Variants in OCA2 observed in about 807,000 individuals in gnomAD.
The protein encoded by OCA2 is P protein.
Under a neutral mutation model 100.2 loss-of-function variants are expected in OCA2, and 77 were observed. That is an observed-to-expected ratio of 0.77 (90% CI 0.64 to 0.93). OCA2 has a LOEUF of 0.93. Ranked by LOEUF, OCA2 falls within the 40% of genes least tolerant of loss-of-function variation. The pLI, the probability that OCA2 is intolerant of heterozygous loss-of-function variation, is 0.00. For synonymous variants in OCA2, 432 were observed against 439.2 expected, an observed-to-expected ratio of 0.98 and a Z score of 0.21; for missense variants, 1,062 against 1,089.1, an observed-to-expected ratio of 0.98 and a Z score of 0.35.
intron 22 of OCA2, among the ~76,000 whole-genome samples, chr15:27,850,898 C>T (rs149073487): frequency 6.6e-6 from 1 of 152,256 alleles, no homozygotes; most frequent in South Asian, 2.1e-4. Context: ...GTCAGTCTCT[C>T]CCAACACTCT....
intron 2 of OCA2, among the ~76,000 whole-genome samples, chr15:28,078,347 C>T (rs574385794): frequency 2.5e-4 from 38 of 152,344 alleles, no homozygotes; most frequent in Non-Finnish European, 4.3e-4. Flanking sequence ...CAGGAATTGG[C>T]CTGCTGCTAC....
chr15:27,786,294 G>A (rs1412040881), intron 23 of OCA2, among the ~76,000 whole-genome samples: 6 of 152,068 alleles, frequency 3.9e-5, no homozygotes, highest in African/African-American at 7.2e-5. Flanking sequence ...TTTTAGAATC[G>A]TGTTGTTAAT....
At chr15:27,929,103 T>C (rs2039152384) in intron 18 of OCA2, among the ~76,000 whole-genome samples, 1 of 152,220 alleles carries the variant, frequency 6.6e-6, no homozygotes, top group Non-Finnish European at 1.5e-5. Context: ...AAGAATGTTT[T>C]GTATAAATCC....
At chr15:27,988,059 A>ACG (rs754000009) in intron 11 of OCA2, among the ~76,000 whole-genome samples, 1 of 152,154 alleles carries the variant, frequency 6.6e-6, no homozygotes, top group South Asian at 2.1e-4. Context: ...TCACGTGAAT[A>ACG]CGCATGAGGA....
At chr15:27,967,985 G>A (rs1001296765) in intron 14 of OCA2, among the ~76,000 whole-genome samples, 2 of 152,170 alleles carry the variant, frequency 1.3e-5, no homozygotes, top group Non-Finnish European at 2.9e-5. Context: ...CAGCGTCATT[G>A]GTTGGTTCTG....
At chr15:27,963,742 G>GA (rs1005881737) in intron 15 of OCA2, among the ~76,000 whole-genome samples, 4 of 150,812 alleles carry the variant, frequency 2.7e-5, no homozygotes, top group East Asian at 1.9e-4. Flanking sequence ...AAAGTAAGCA[G>GA]AAAAAAAATA....
chr15:27,964,662 CTT>C (rs1275996204), intron 15 of OCA2, among the ~76,000 whole-genome samples: 1 of 152,186 alleles, frequency 6.6e-6, no homozygotes, highest in Non-Finnish European at 1.5e-5. Context: ...TTCAGGGTTA[CTT>C]TTTCACTGCA....
chr15:27,736,698 G>T, the OCA2 span, among the ~76,000 whole-genome samples: 1 of 152,128 alleles, frequency 6.6e-6, no homozygotes, highest in Non-Finnish European at 1.5e-5. Flanking sequence ...ACAGAGTCAA[G>T]TTCCCACCTC....
intron 2 of OCA2, among the ~76,000 whole-genome samples, chr15:28,058,455 A>G (rs775204117): frequency 1.4e-4 from 21 of 152,284 alleles, no homozygotes; most frequent in Admixed American, 5.9e-4. Flanking sequence ...GGAATCATGC[A>G]GGAGGTACTG....
At chr15:27,915,518 A>G (rs1432777481) in intron 19 of OCA2, among the ~76,000 whole-genome samples, 1 of 152,178 alleles carries the variant, frequency 6.6e-6, no homozygotes, top group African/African-American at 2.4e-5. Flanking sequence ...TTACAAGCAA[A>G]AAACAACCCT....
At chr15:27,978,671 T>TAG (rs1023100555) in intron 14 of OCA2, among the ~76,000 whole-genome samples, 1 of 151,188 alleles carries the variant, frequency 6.6e-6, no homozygotes. Flanking sequence ...TGTATATATA[T>TAG]AGAGAGAGAG....
chr15:28,038,303 G>A (rs903769623), intron 2 of OCA2, among the ~76,000 whole-genome samples: 1 of 152,198 alleles, frequency 6.6e-6, no homozygotes, highest in African/African-American at 2.4e-5. Flanking sequence ...TAAGGAAGCT[G>A]CCAGCTCTCA....
rs754265614 is a variant in OCA2 at position 27,957,657 on chromosome 15, C to G, written c.1715G>C (p.Arg572Pro). 4 of 1,612,966 alleles carry G rather than the reference C, an allele frequency of 2.5e-6. No individual in the cohort carries two copies. In the African/African-American group the frequency reaches 5.3e-5, roughly 22 times the overall value. The part of the protein sequence containing the change: ...SPASREETAV[R>P]RLLLGKVLAL... The stretch of plus-strand genomic sequence containing the variant: ...CAGCACCTTCCCCAGCAGCAGGCGG[C>G]GCACAGCTGTCTCCTCGCGGCTGGC... The change falls in exon 16 of 24, where the codon CGC becomes CCC. Residue 572 changes from arginine to proline, a missense_variant. Transcript: ENST00000354638. The surrounding 1 kb of genome is among the most constrained non-coding windows in gnomAD (Gnocchi z 4.3).
chr15:27,812,659 C>T lies in OCA2; in HGVS notation c.2432+32300G>A, dbSNP rs992966678. ...TTCAGAATATAAAACACTTAAGTTGCTTTCCTTTTTTAAAGTTCCCAGTAA... is the reference window on the plus strand; with the variant it reads ...TTCAGAATATAAAACACTTAAGTTGTTTTCCTTTTTTAAAGTTCCCAGTAA... On this transcript the variant is annotated intron_variant, in intron 23 of 23. Transcript: ENST00000354638. 2.6e-5 allele frequency among the ~76,000 whole-genome samples: 4 copies of T among 152,152 alleles called. No individual in the cohort carries two copies. In the East Asian group the frequency reaches 7.7e-4, roughly 29 times the overall value.
chr15:27,995,946 G>A (rs371087980), intron 9 of OCA2, among the ~76,000 whole-genome samples: 31 of 151,814 alleles, frequency 2.0e-4, no homozygotes, highest in African/African-American at 7.5e-4. Flanking sequence ...CCAAGTAGCT[G>A]GGACTACAGG....
At chr15:27,833,137 C>T (rs539008796) in intron 23 of OCA2, among the ~76,000 whole-genome samples, 1 of 152,298 alleles carries the variant, frequency 6.6e-6, no homozygotes, top group Admixed American at 6.5e-5. Context: ...TTAGTTACCC[C>T]TAAATATACA....
rs559916018 is a variant in OCA2, at chr15:27,952,003, T to TAA, written c.1843-113_1843-112dup. The stretch of plus-strand genomic sequence containing the variant: ...ACAGATTTCACGAGGATGAAAAATG[T>TAA]AACCTCTCGAACTTGAAAGAAAATG... On this transcript the variant is annotated intron_variant, in intron 17 of 23. Transcript: ENST00000354638. 9.0e-4 allele frequency: 719 copies of TAA among 800,434 alleles called. 1 individual carries two copies. The highest frequency in any genetic ancestry group is 1.1e-3 in the Non-Finnish European group (519 of 460,200). The allele number at this position is 800,434 out of a possible 1,614,324, so 49.6% of individuals were successfully genotyped here. A position where few individuals can be genotyped will look rare whatever the true frequency, so the allele number is the denominator to read the frequency against.
intron 1 of OCA2, among the ~76,000 whole-genome samples, chr15:28,094,841 G>A (rs1042735639): frequency 2.4e-4 from 36 of 152,290 alleles, no homozygotes; most frequent in African/African-American, 8.4e-4. Context: ...CCCGAGCCCC[G>A]CCTCCCGCAG....
rs1448618908 is a variant in OCA2 at position 27,836,048 on chromosome 15, G to A, written c.2432+8911C>T. Among the ~76,000 whole-genome samples the A allele has an allele frequency of 4.6e-5, 7 of 152,152 alleles. No homozygotes were observed. The East Asian group carries it at 1.4e-3, about 29-fold the overall frequency. Reference sequence around the variant, plus strand: ...CTCGTGGCTCTCTCAGACTGTCCAGGACTCTCTGGCCTTCAGGAGCCTCAG... The same window carrying A: ...CTCGTGGCTCTCTCAGACTGTCCAGAACTCTCTGGCCTTCAGGAGCCTCAG... On this transcript the variant is annotated intron_variant, in intron 23 of 23. Transcript: ENST00000354638.
Sources: allele counts gnomAD v4.1 joint callset (sites outside exome capture counted in the v4.1 genomes callset), GRCh38; gene constraint gnomAD v4.1.1; non-coding constraint Gnocchi (gnomAD v3.1); transcripts MANE v1.5; gene names NCBI Gene and HGNC (gene_info 2026-07-23, HGNC 2026-07-21).